Variants in USP48 observed in about 807,000 individuals in gnomAD.
USP48 encodes ubiquitin carboxyl-terminal hydrolase 48.
USP48 carries 43 observed loss-of-function variants against 150.7 expected under a neutral mutation model. That is an observed-to-expected ratio of 0.29 (90% CI 0.22 to 0.37). The LOEUF is 0.37. Ranked by LOEUF, USP48 falls within the 10% of genes least tolerant of loss-of-function variation. The pLI is 1.00. For synonymous variants in USP48, 396 were observed against 425.9 expected (o/e 0.93, Z 0.86); for missense variants, 813 against 1,249.6 (o/e 0.65, Z 5.27).
intron 25 of USP48, chr1:21,686,272 G>A (rs2097580082): frequency 6.6e-6 from 1 of 152,212 alleles, no homozygotes; most frequent in Admixed American, 6.5e-5. Context: ...CCAGTTCTTA[G>A]AGGAAAGGCT....
At chr1:21,696,665 AT>A (rs1473009997) in intron 22 of USP48, among the ~76,000 whole-genome samples, 1 of 152,052 alleles carries the variant, frequency 6.6e-6, no homozygotes, top group Non-Finnish European at 1.5e-5. Flanking sequence ...CACTGTCTTT[AT>A]TTTTAGAGGG....
intron 1 of USP48, among the ~76,000 whole-genome samples, chr1:21,770,012 T>C (rs2097874530): frequency 6.6e-6 from 1 of 152,054 alleles, no homozygotes; most frequent in African/African-American, 2.4e-5. Flanking sequence ...ATATAGTATA[T>C]ACTCACACAC....
chr1:21,684,522 C>T (rs908730974), intron 25 of USP48, among the ~76,000 whole-genome samples: 1 of 152,170 alleles, frequency 6.6e-6, no homozygotes, highest in Non-Finnish European at 1.5e-5. Flanking sequence ...CAGATTATTT[C>T]CTTTGCTGTG....
In USP48 at chr1:21,782,908, G is replaced by T. The variant is rs1417654975; in HGVS notation, c.50C>A (p.Thr17Lys). The T allele has an allele frequency of 1.3e-6, 2 of 1,552,136 alleles. No homozygotes were observed. The highest frequency in any genetic ancestry group is 2.4e-5 in the South Asian group (2 of 84,074). Residue 17 changes from threonine to lysine, a missense_variant, in exon 1 of 27, where the codon ACG becomes AAG. Coordinates refer to ENST00000308271, the MANE Select transcript of USP48 (RefSeq NM_032236.8). Reference sequence around the variant, plus strand: ...CTGCGACACCTCCTCGGGCCGCACCGTCTCCGCCCAGCGCCAGGCCGCCTT... The same window carrying T: ...CTGCGACACCTCCTCGGGCCGCACCTTCTCCGCCCAGCGCCAGGCCGCCTT... ...LEKAAWRWAETVRPEEVSQEH... is the reference protein window; with the variant it reads ...LEKAAWRWAEKVRPEEVSQEH...
chr1:21,766,433 G>A lies in USP48; in HGVS notation c.135-8650C>T, dbSNP rs572542228. Among the ~76,000 whole-genome samples, 7 of 152,212 alleles carry A rather than the reference G, an allele frequency of 4.6e-5. No homozygotes were observed. The South Asian group carries it at 1.5e-3, about 32-fold the overall frequency. ...AAAGTAGTAGGCTAGGTATCAAAGG[G>A]TATGAATGACTAAGTTCCTTCTATA... On this transcript the variant is annotated intron_variant, in intron 1 of 26. Transcript: ENST00000308271.
intron 10 of USP48, 143 bp downstream of exon 10, chr1:21,729,561 G>T: frequency 2.0e-6 from 2 of 1,004,490 alleles, no homozygotes; most frequent in Non-Finnish European, 2.7e-6. Context: ...AAGTAAATTT[G>T]CAATTAATAT....
intron 2 of USP48, chr1:21,757,018 G>C: frequency 1.0e-6 from 1 of 983,664 alleles, no homozygotes; most frequent in Non-Finnish European, 1.2e-6. Context: ...AGCGTATATA[G>C]GTTTTATGTT....
In USP48 at chr1:21,728,705, G is replaced by C. The variant is rs141824117; in HGVS notation, c.1315C>G (p.Leu439Val). 9 of 1,613,658 alleles carry C rather than the reference G, an allele frequency of 5.6e-6. No homozygotes were observed. Among genetic ancestry groups the C allele is most frequent in the African/African-American group, 5.3e-5 (4 of 74,894 alleles). The change falls in exon 11 of 27, where the codon CTG (leucine) becomes GTG (valine). Residue 439 changes from leucine to valine, a missense_variant. Leu to Val is a conservative substitution (Grantham distance 32, BLOSUM62 1). Transcript: ENST00000308271. The part of the protein sequence containing the change: ...TVQVPAFLQE[L>V]VDRDNSKFEE... Reference sequence around the variant, plus strand: ...AATTTGGAATTATCCCGATCTACCAGCTCTTGAAGAAAGGCTATTCAAAAC... The same window carrying C: ...AATTTGGAATTATCCCGATCTACCACCTCTTGAAGAAAGGCTATTCAAAAC...
intron 8 of USP48, among the ~76,000 whole-genome samples, chr1:21,741,808 T>A (rs908302921): frequency 2.0e-5 from 3 of 152,036 alleles, no homozygotes; most frequent in African/African-American, 7.2e-5. Flanking sequence ...AGACCCAGTC[T>A]ATAAAAACTT....
intron 8 of USP48, among the ~76,000 whole-genome samples, chr1:21,745,832 G>A (rs779985869): frequency 6.6e-6 from 1 of 152,190 alleles, no homozygotes; most frequent in Admixed American, 6.6e-5. Context: ...TCAATTGCCT[G>A]AACAAAGGAG....
chr1:21,693,417 T>G (rs140127028), intron 23 of USP48, among the ~76,000 whole-genome samples: 1 of 152,300 alleles, frequency 6.6e-6, no homozygotes, highest in African/African-American at 2.4e-5. Flanking sequence ...GGGAAAGACC[T>G]TCTACTGCCT....
chr1:21,739,066 CAG>C (rs1467764585), intron 8 of USP48, among the ~76,000 whole-genome samples: 2 of 152,168 alleles, frequency 1.3e-5, no homozygotes, highest in Non-Finnish European at 2.9e-5. Context: ...GTAAGGACAA[CAG>C]AGTTTCCCTC....
intron 1 of USP48, among the ~76,000 whole-genome samples, chr1:21,765,900 CCAAAAAAAAAAAAAAAAAA>C (rs2097860814): frequency 2.9e-5 from 1 of 34,536 alleles, no homozygotes; most frequent in African/African-American, 1.5e-4. Context: ...GACTCCATCT[CCAAAAAAAAAAAAAAAAAA>C]AAAAAAAAAA....
intron 6 of USP48, among the ~76,000 whole-genome samples, chr1:21,749,076 T>C (rs993028599): frequency 6.6e-6 from 1 of 152,128 alleles, no homozygotes; most frequent in African/African-American, 2.4e-5. Context: ...CTGATAGTGG[T>C]TTCTTTTTAA....
chr1:21,689,161 T>C (rs2097589037), intron 24 of USP48, among the ~76,000 whole-genome samples: 2 of 150,238 alleles, frequency 1.3e-5, no homozygotes, highest in East Asian at 1.9e-4. Context: ...GATTTTAAAG[T>C]ATAAAATAAG....
At chr1:21,687,470 A>C (rs758769563) in intron 24 of USP48, among the ~76,000 whole-genome samples, 2 of 152,220 alleles carry the variant, frequency 1.3e-5, no homozygotes, top group Non-Finnish European at 2.9e-5. Flanking sequence ...GTGAAGAGGA[A>C]AGGCAGGGGG....
Position 21,736,532 on chromosome 1 carries a change from T to C in USP48, c.1085A>G (p.Gln362Arg). The C allele has an allele frequency of 6.2e-7, 1 of 1,600,636 alleles. No individual in the cohort carries two copies. The highest frequency in any genetic ancestry group is 8.5e-7 in the Non-Finnish European group (1 of 1,175,926). Reference protein sequence around the residue: ...GHYIAHVKDPQSGEWYKFNDE... With the variant: ...GHYIAHVKDPRSGEWYKFNDE... ...ATTAAACTTATACCATTCACCAGAC[T>C]GTGGATCTTTCACGTGGGCGATGTA... The change falls in exon 9 of 27, where the codon CAG (glutamine) becomes CGG (arginine). Residue 362 changes from glutamine (Q) to arginine (R), a missense_variant. Transcript: ENST00000308271.
rs1187142519 is a variant in USP48 at position 21,687,253 on chromosome 1, G to A, written c.3010-14C>T. ...TGGTTCATCAGCCTAGAAAACAAATGAAGACAATTCAAAACCACAAGGGAG... is the reference window on the plus strand; with the variant it reads ...TGGTTCATCAGCCTAGAAAACAAATAAAGACAATTCAAAACCACAAGGGAG... On this transcript the variant is annotated splice_polypyrimidine_tract_variant and intron_variant, in intron 24 of 26. Transcript: ENST00000308271. 12 of 1,611,082 alleles carry A rather than the reference G, an allele frequency of 7.4e-6. No homozygotes were observed. Among genetic ancestry groups the A allele is most frequent in the Non-Finnish European group, 1.0e-5 (12 of 1,178,318 alleles).
chr1:21,742,738 A>G lies in USP48; in HGVS notation c.991+4329T>C, dbSNP rs564866762. Among the ~76,000 whole-genome samples, 12 of 152,254 alleles carry G rather than the reference A, an allele frequency of 7.9e-5. No individual in the cohort carries two copies. In the East Asian group the frequency reaches 2.3e-3, roughly 29 times the overall value. On this transcript the variant is annotated intron_variant, in intron 8 of 26. Transcript: ENST00000308271. ...GGAACCTCAAGCCTTGAACTCTGTA[A>G]TCATACCTAACCAGCAGAGGCCCCA...
Sources: allele counts gnomAD v4.1 joint callset (sites outside exome capture counted in the v4.1 genomes callset), GRCh38; gene constraint gnomAD v4.1.1; transcripts MANE v1.5; gene names NCBI Gene and HGNC (gene_info 2026-07-23, HGNC 2026-07-21).